Variants in ZBTB20 observed in about 807,000 individuals in gnomAD.
The protein encoded by ZBTB20 is zinc finger and BTB domain-containing protein 20.
In ZBTB20, 9 loss-of-function variants were observed where a neutral mutation model predicts 56.9. The ratio of observed to expected loss-of-function variants is 0.16; its 90% confidence interval spans 0.10 to 0.28. The LOEUF (loss-of-function observed/expected upper bound fraction) is 0.28, where lower values mean the gene tolerates loss of function less well. ZBTB20 is among the 10% of genes least tolerant of loss of function. ZBTB20 has a pLI of 1.00. For synonymous variants in ZBTB20, 417 were observed against 420.7 expected, an observed-to-expected ratio of 0.99 and a Z score of 0.11; for missense variants, 655 against 1,003.0, an observed-to-expected ratio of 0.65 and a Z score of 4.69.
At chr3:115,144,618 T>C (rs1221607052) in intron 1 of ZBTB20, among the ~76,000 whole-genome samples, 1 of 152,200 alleles carries the variant, frequency 6.6e-6, no homozygotes, top group Non-Finnish European at 1.5e-5. Flanking sequence ...TCCTCTAGTA[T>C]TCCATTTAAT....
intron 6 of ZBTB20, among the ~76,000 whole-genome samples, chr3:114,538,127 T>TATA (rs1389624067): frequency 1.3e-5 from 2 of 151,962 alleles, no homozygotes; most frequent in Non-Finnish European, 2.9e-5. Context: ...AACTTAAAAG[T>TATA]ATAATAATAA....
At position 114,408,707 on chromosome 3, in the gene ZBTB20, C is replaced by A. The variant is rs2087589771; in HGVS notation, c.-254-19602G>T. 2.0e-5 allele frequency among the ~76,000 whole-genome samples: 3 copies of A among 152,078 alleles called. No individual in the cohort carries two copies. The South Asian group carries it at 6.2e-4, about 32-fold the overall frequency. ...AAATCAATGCTACAGAACAAACCTG[C>A]CAGCACATTCCACCCCCACCCCCAA... On this transcript the variant is annotated intron_variant, in intron 7 of 11. Transcript: ENST00000675478.
chr3:114,618,247 T>TC (rs960957280), intron 6 of ZBTB20, among the ~76,000 whole-genome samples: 2 of 150,518 alleles, frequency 1.3e-5, no homozygotes, highest in African/African-American at 2.4e-5. Flanking sequence ...CCTTTTTTTT[T>TC]TTTTTTTTGG....
chr3:114,799,568 A>G (rs1006724434), intron 5 of ZBTB20, among the ~76,000 whole-genome samples: 2 of 151,966 alleles, frequency 1.3e-5, no homozygotes, highest in African/African-American at 4.8e-5. Context: ...TTTGAAATTA[A>G]ACTAATAGCA....
chr3:115,060,370 C>A (rs1391796183), intron 2 of ZBTB20, among the ~76,000 whole-genome samples: 1 of 152,090 alleles, frequency 6.6e-6, no homozygotes, highest in Non-Finnish European at 1.5e-5. Flanking sequence ...ACTTGCAAAC[C>A]TTTTCCCTAT....
chr3:114,507,769 A>T (rs942291155), intron 6 of ZBTB20, among the ~76,000 whole-genome samples: 3 of 152,124 alleles, frequency 2.0e-5, no homozygotes, highest in Non-Finnish European at 4.4e-5. Flanking sequence ...ATTCTATAAA[A>T]TGTTCACCCT....
chr3:114,878,708 G>A (rs2076290736), intron 4 of ZBTB20, among the ~76,000 whole-genome samples: 1 of 152,052 alleles, frequency 6.6e-6, no homozygotes, highest in Non-Finnish European at 1.5e-5. Flanking sequence ...TTGACACATG[G>A]AAAAGGAGAT....
At chr3:115,040,350 T>C (rs574579722) in intron 2 of ZBTB20, among the ~76,000 whole-genome samples, 81 of 152,254 alleles carry the variant, frequency 5.3e-4, no homozygotes, top group African/African-American at 1.9e-3. Context: ...TTTAAGATCT[T>C]ATTCTAGAAG....
chr3:114,502,604 A>G (rs930445563), intron 6 of ZBTB20, among the ~76,000 whole-genome samples: 2 of 152,224 alleles, frequency 1.3e-5, no homozygotes, highest in Non-Finnish European at 2.9e-5. Context: ...GATTCATTGA[A>G]AGCACATACA....
chr3:114,392,056 T>TA (rs569791571), intron 7 of ZBTB20, among the ~76,000 whole-genome samples: 26 of 152,310 alleles, frequency 1.7e-4, no homozygotes, highest in African/African-American at 6.3e-4. Context: ...AAATGTTGTC[T>TA]AAAAAATGAG....
intron 5 of ZBTB20, among the ~76,000 whole-genome samples, chr3:114,741,634 A>G (rs1274225): frequency 0.96 from 146,392 of 151,920 alleles, 70,793 homozygotes; most frequent in East Asian, 1. Context: ...CAGCATTTCG[A>G]GAGGCTGAGG....
At chr3:114,833,565 T>C (rs1399502697) in intron 4 of ZBTB20, among the ~76,000 whole-genome samples, 3 of 152,052 alleles carry the variant, frequency 2.0e-5, no homozygotes, top group Non-Finnish European at 4.4e-5. Context: ...GGTTTCACTC[T>C]ATCACCTAGG....
chr3:114,344,013 C>T lies in ZBTB20; in HGVS notation c.1805-4587G>A, dbSNP rs551815354. ...GAAGTGAGCAGAGATGGCACCACTG[C>T]ACTCCAGCCTGGGCAACAGAGTGAG... On this transcript the variant is annotated intron_variant, in intron 11 of 11. Coordinates refer to ENST00000675478, the MANE Select transcript of ZBTB20 (RefSeq NM_001348800.3). Among the ~76,000 whole-genome samples the T allele has an allele frequency of 2.7e-3, 407 of 151,764 alleles. 1 individual carries two copies. The highest frequency in any genetic ancestry group is 5.1e-3 in the Non-Finnish European group (343 of 67,904).
chr3:114,423,971 T>A (rs1207050559), intron 7 of ZBTB20, among the ~76,000 whole-genome samples: 1 of 152,252 alleles, frequency 6.6e-6, no homozygotes, highest in Non-Finnish European at 1.5e-5. Flanking sequence ...AACTGTTTGA[T>A]CCCATTATTG....
intron 6 of ZBTB20, among the ~76,000 whole-genome samples, chr3:114,612,647 A>ATCCGC (rs1304034973): frequency 2.0e-5 from 3 of 152,202 alleles, no homozygotes; most frequent in Non-Finnish European, 4.4e-5. Context: ...GATATTCACT[A>ATCCGC]TTAGACATAC....
chr3:114,694,540 G>C (rs1038310658), intron 5 of ZBTB20, among the ~76,000 whole-genome samples: 3 of 151,798 alleles, frequency 2.0e-5, no homozygotes, highest in African/African-American at 7.3e-5. Flanking sequence ...CTGTATAAAA[G>C]AAGAACCCTA....
intron 7 of ZBTB20, among the ~76,000 whole-genome samples, chr3:114,407,554 A>G (rs750835908): frequency 6.6e-6 from 1 of 152,186 alleles, no homozygotes; most frequent in African/African-American, 2.4e-5. Context: ...TTTTTAGGAT[A>G]AGGTGAGAGA....
Position 114,941,301 on chromosome 3 carries a change from T to G in ZBTB20, c.-456+33065A>C, listed in dbSNP as rs551340207. 7.0e-3 allele frequency among the ~76,000 whole-genome samples: 1,027 copies of G among 146,530 alleles called. 209 individuals carry two copies. The highest frequency in any genetic ancestry group is 0.026 in the African/African-American group (954 of 36,242). ...AATGACTTTGAGAAACTAACATAAA[T>G]GTTTTACAAGTCCCATTTTGTGAAA... On this transcript the variant is annotated intron_variant, in intron 3 of 11. Coordinates refer to ENST00000675478, the MANE Select transcript of ZBTB20 (RefSeq NM_001348800.3).
intron 2 of ZBTB20, among the ~76,000 whole-genome samples, chr3:115,026,134 A>C (rs2080412048): frequency 6.6e-6 from 1 of 150,858 alleles, no homozygotes; most frequent in Admixed American, 6.6e-5. Flanking sequence ...ACAGGCTTAC[A>C]AATAACCGAT....
Sources: allele counts gnomAD v4.1 joint callset (sites outside exome capture counted in the v4.1 genomes callset), GRCh38; gene constraint gnomAD v4.1.1; transcripts MANE v1.5; gene names NCBI Gene and HGNC (gene_info 2026-07-23, HGNC 2026-07-21).